The following DCDC1 variants were observed in gnomAD, a reference collection of about 807,000 sequenced individuals.
DCDC1 encodes doublecortin domain containing 1.
In DCDC1, 200 loss-of-function variants were observed where a neutral mutation model predicts 178.3. The ratio of observed to expected loss-of-function variants is 1.12; its 90% CI spans 1.00 to 1.26. The LOEUF (loss-of-function observed/expected upper bound fraction) is 1.26. Among genes scored for constraint, DCDC1 ranks in the 50% most tolerant of loss-of-function variants. The probability of loss-of-function intolerance (pLI) is 0.00; values close to 1 mark genes in which losing one functional copy is unlikely to be tolerated. For missense variants in DCDC1, 1,983 were observed against 1,749.2 expected (o/e 1.13, Z -2.38); for synonymous variants, 690 against 604.8 (o/e 1.14, Z -2.07).
chr11:31,173,292 G>A (rs749156298), intron 9 of DCDC1, among the ~76,000 whole-genome samples: 3 of 152,066 alleles, frequency 2.0e-5, no homozygotes, highest in African/African-American at 7.3e-5. Flanking sequence ...TACATCACCC[G>A]AGACTCATTC....
chr11:31,297,030 C>G (rs575382353), intron 6 of DCDC1, among the ~76,000 whole-genome samples: 1 of 152,290 alleles, frequency 6.6e-6, no homozygotes, highest in South Asian at 2.1e-4. Context: ...TACATCACCC[C>G]TCTGAGGACA....
intron 10 of DCDC1, among the ~76,000 whole-genome samples, chr11:31,133,225 G>C (rs1962672877): frequency 6.6e-6 from 1 of 152,110 alleles, no homozygotes; most frequent in Non-Finnish European, 1.5e-5. Flanking sequence ...AATTCTGTGT[G>C]GGCTTGAATC....
chr11:31,132,710 C>T (rs898974038), intron 10 of DCDC1, among the ~76,000 whole-genome samples: 2 of 152,086 alleles, frequency 1.3e-5, no homozygotes, highest in Admixed American at 6.6e-5. Flanking sequence ...CCTATCAGTC[C>T]CATTCACAAA....
intron 11 of DCDC1, among the ~76,000 whole-genome samples, chr11:31,114,486 T>TAGCA (rs1959563365): frequency 6.6e-6 from 1 of 152,122 alleles, no homozygotes; most frequent in Non-Finnish European, 1.5e-5. Context: ...ATGGATGTGC[T>TAGCA]GGTCATCATA....
At chr11:31,231,994 T>C (rs924723884) in intron 9 of DCDC1, among the ~76,000 whole-genome samples, 4 of 152,350 alleles carry the variant, frequency 2.6e-5, no homozygotes, top group Middle Eastern at 3.4e-3. Flanking sequence ...CCATCCACAC[T>C]ATCCAACCAC....
intron 13 of DCDC1, among the ~76,000 whole-genome samples, chr11:31,106,258 C>T (rs1193568672): frequency 6.6e-6 from 1 of 152,150 alleles, no homozygotes; most frequent in East Asian, 1.9e-4. Flanking sequence ...CAAGCTTTAC[C>T]AATTTATCTT....
At chr11:30,865,986 C>A (rs1940945409) in intron 38 of DCDC1, among the ~76,000 whole-genome samples, 1 of 152,066 alleles carries the variant, frequency 6.6e-6, no homozygotes, top group African/African-American at 2.4e-5. Flanking sequence ...TAACCCCCAG[C>A]ACCTCAGGAT....
chr11:30,923,119 C>T (rs1055164914), intron 23 of DCDC1, among the ~76,000 whole-genome samples: 1 of 152,034 alleles, frequency 6.6e-6, no homozygotes, highest in African/African-American at 2.4e-5. Flanking sequence ...ATCCCTAAAA[C>T]CCAAATCTGG....
At chr11:31,245,979 A>G (rs1194904834) in intron 8 of DCDC1, among the ~76,000 whole-genome samples, 2 of 151,878 alleles carry the variant, frequency 1.3e-5, no homozygotes, top group African/African-American at 4.8e-5. Context: ...GAGAAACCAC[A>G]AAGCTAATCA....
chr11:31,240,780 T>C (rs1162274323), intron 9 of DCDC1, among the ~76,000 whole-genome samples: 5 of 152,066 alleles, frequency 3.3e-5, no homozygotes, highest in South Asian at 2.1e-4. Flanking sequence ...ATAAATGGCA[T>C]CAGTTATTCT....
chr11:30,994,432 C>T (rs1951141237), intron 20 of DCDC1, among the ~76,000 whole-genome samples: 1 of 151,478 alleles, frequency 6.6e-6, no homozygotes, highest in Non-Finnish European at 1.5e-5. Context: ...GTTGAAACTA[C>T]AGGTACCCAC....
chr11:30,942,579 T>A (rs79474815), intron 21 of DCDC1, among the ~76,000 whole-genome samples: 2,972 of 152,300 alleles, frequency 0.02, 93 homozygotes, highest in African/African-American at 0.067. Context: ...ATTCAGGGTG[T>A]GTAACTGTTC....
intron 20 of DCDC1, among the ~76,000 whole-genome samples, chr11:31,030,149 C>A (rs1394184403): frequency 7.6e-6 from 1 of 131,518 alleles, no homozygotes. Flanking sequence ...ATTTTTTTTT[C>A]CTGGCAATTT....
At chr11:31,156,202 A>G (rs1372815131) in intron 9 of DCDC1, 1 of 152,268 alleles carries the variant, frequency 6.6e-6, no homozygotes, top group Non-Finnish European at 1.5e-5. Context: ...ATAATTGAGT[A>G]CAATATTTTG....
chr11:31,091,986 C>T, intron 16 of DCDC1, among the ~76,000 whole-genome samples: 1 of 152,082 alleles, frequency 6.6e-6, no homozygotes, highest in East Asian at 1.9e-4. Flanking sequence ...TTGTGAACTG[C>T]TTTTATTTTA....
At chr11:31,350,729 T>C (rs1951029052) in intron 1 of DCDC1, among the ~76,000 whole-genome samples, 1 of 152,130 alleles carries the variant, frequency 6.6e-6, no homozygotes, top group Admixed American at 6.5e-5. Flanking sequence ...ATATGTGACA[T>C]GAAACATGTC....
chr11:31,369,528 G>A (rs1952163670), intron 1 of DCDC1, among the ~76,000 whole-genome samples, 169 bp downstream of exon 1: 2 of 152,166 alleles, frequency 1.3e-5, no homozygotes, highest in Non-Finnish European at 2.9e-5. Context: ...AAGATTGAGA[G>A]TAGCTCAGGG....
intron 10 of DCDC1, among the ~76,000 whole-genome samples, chr11:31,135,007 A>T (rs975578129): frequency 3.3e-5 from 5 of 152,124 alleles, no homozygotes; most frequent in Non-Finnish European, 7.4e-5. Flanking sequence ...AAAATAAAAA[A>T]ATTTTTAAAA....
chr11:30,944,318 C>T (rs747278256), intron 21 of DCDC1: 3 of 456,554 alleles, frequency 6.6e-6, no homozygotes, highest in South Asian at 4.6e-5. Context: ...AGTCTATCTC[C>T]TTCCTTGCTC....
Sources: allele counts gnomAD v4.1 joint callset (sites outside exome capture counted in the v4.1 genomes callset), GRCh38; gene constraint gnomAD v4.1.1; transcripts MANE v1.5; gene names NCBI Gene and HGNC (gene_info 2026-07-23, HGNC 2026-07-21).